CDHR1: variants seen among roughly 807,000 people sequenced by gnomAD.
The protein encoded by CDHR1 is cadherin-related family member 1.
A neutral mutation model predicts 72.1 loss-of-function variants in CDHR1; 61 were observed. That is an observed-to-expected ratio of 0.85 (90% CI 0.69 to 1.05). The LOEUF (loss-of-function observed/expected upper bound fraction) is 1.05, where lower values mean the gene tolerates loss of function less well. CDHR1 is among the 50% of genes least tolerant of loss of function. The pLI is 0.00. For missense variants in CDHR1, 1,186 were observed against 1,115.7 expected (o/e 1.06, Z -0.90); for synonymous variants, 470 against 448.1 (o/e 1.05, Z -0.62).
chr10:84,202,839 G>A (rs539738095), intron 7 of CDHR1, 141 bp from the exon 8 acceptor site: 2 of 882,226 alleles, frequency 2.3e-6, no homozygotes, highest in South Asian at 2.8e-5. Context: ...TTATCTCCGG[G>A]TGACACAGAA....
At chr10:84,212,913 G>C (rs974042954) in intron 15 of CDHR1, 178 bp from the exon 16 acceptor site, 5 of 762,018 alleles carry the variant, frequency 6.6e-6, no homozygotes, top group Non-Finnish European at 1.1e-5. Flanking sequence ...TAAGACCTAC[G>C]TAAACCCTGG....
Position 84,199,113 on chromosome 10 carries a change from G to T in CDHR1, c.430G>T (p.Val144Phe), listed in dbSNP as rs1228647950. 1.3e-6 allele frequency: 2 copies of T among 1,551,098 alleles called. No individual in the cohort carries two copies. The highest frequency in any genetic ancestry group is 3.9e-5 in the Admixed American group (2 of 51,006). The change falls in exon 5 of 17, where the codon GTT becomes TTT. Residue 144 changes from valine to phenylalanine, a missense_variant. Physicochemically the swap from Val to Phe is conservative, Grantham distance 50. Transcript: ENST00000623527. The part of the protein sequence containing the change: ...RFIQEPYVAL[V>F]PEDIPAGSII... ...CATCCAGGAGCCTTATGTTGCCCTG[G>T]TTCCCGAGGTAAGTGAGGAGCTGCT...
In CDHR1 at chr10:84,216,601, A is replaced by G; in HGVS notation, c.*1980A>G. The G allele has an allele frequency of 3.0e-6, 3 of 985,498 alleles. No individual in the cohort carries two copies. The highest frequency in any genetic ancestry group is 3.6e-6 in the Non-Finnish European group (3 of 829,956). 61.0% of individuals were successfully genotyped at this position (985,498 alleles called of 1,614,324 possible). A position where few individuals can be genotyped will look rare whatever the true frequency, so the allele number is the denominator to read the frequency against. On this transcript the variant is annotated 3_prime_UTR_variant, in exon 17 of 17. Transcript: ENST00000623527. ...GACCAGTCTTTCTGACACACAGTGA[A>G]GCTCAACTTGCCTCCTGGCTGCTTC... is the stretch of plus-strand genomic sequence containing the variant.
Position 84,194,633 on chromosome 10 carries a change from C to CA in CDHR1, c.-128_-127insA. 1.5e-6 allele frequency: 1 copy of CA among 658,318 alleles called. No individual in the cohort carries two copies. The highest frequency in any genetic ancestry group is 2.3e-6 in the Non-Finnish European group (1 of 438,658). 40.8% of individuals were successfully genotyped at this position (658,318 alleles called of 1,614,324 possible). A position where few individuals can be genotyped will look rare whatever the true frequency, so the allele number is the denominator to read the frequency against. ...ACCCGCCGCTCCCGCCCCGTGCCCCCTCCCGCCGCGGCTGCAGTCGCCGCT... is the reference window on the plus strand; with the variant it reads ...ACCCGCCGCTCCCGCCCCGTGCCCCCATCCCGCCGCGGCTGCAGTCGCCGCT... On this transcript the variant is annotated 5_prime_UTR_variant, in exon 1 of 17. Transcript: ENST00000623527.
chr10:84,201,301 G>A (rs1842120647), intron 6 of CDHR1, among the ~76,000 whole-genome samples: 5 of 152,180 alleles, frequency 3.3e-5, no homozygotes, highest in Admixed American at 2.6e-4. Flanking sequence ...GGGCCCCCAG[G>A]GACCCTACCA....
rs564871532 is a variant in CDHR1, at chr10:84,216,657, T to C, written c.*2036T>C. Reference sequence around the variant, plus strand: ...GTGGATCCATTCTTCGACCCCCAGATGTGACTCTAAAGAAGGCTGAAAATT... The same window carrying C: ...GTGGATCCATTCTTCGACCCCCAGACGTGACTCTAAAGAAGGCTGAAAATT... On this transcript the variant is annotated 3_prime_UTR_variant, in exon 17 of 17. Coordinates refer to ENST00000623527, the MANE Select transcript of CDHR1 (RefSeq NM_033100.4). The C allele has an allele frequency of 3.0e-6, 3 of 985,474 alleles. No homozygotes were observed. The African/African-American group carries it at 5.2e-5, about 17-fold the overall frequency. The allele number at this position is 985,474 out of a possible 1,614,324, so 61.0% of individuals were successfully genotyped here. A position where few individuals can be genotyped will look rare whatever the true frequency, so the allele number is the denominator to read the frequency against.
At chr10:84,208,472 G>A (rs1842270386) in intron 11 of CDHR1, 95 bp downstream of exon 11, 1 of 1,355,876 alleles carries the variant, frequency 7.4e-7, no homozygotes. Flanking sequence ...CTCTGCGTAT[G>A]TAGCCGGGAC....
intron 12 of CDHR1, among the ~76,000 whole-genome samples, chr10:84,209,564 C>T (rs565644958): frequency 1.3e-5 from 2 of 149,432 alleles, no homozygotes; most frequent in African/African-American, 4.9e-5. Context: ...GAAGTTCAAA[C>T]TTTAGAAAGG....
At position 84,200,621 on chromosome 10, in the gene CDHR1, C is replaced by T. The variant is rs575978307; in HGVS notation, c.459C>T (p.Ile153=). The change falls in exon 6 of 17, where the codon ATC becomes ATT. Residue 153 remains isoleucine (I), a synonymous_variant. Coordinates refer to ENST00000623527, the MANE Select transcript of CDHR1 (RefSeq NM_033100.4). ...LVPEDIPAGS[I]IFKVHAVDRD... ...CTCAGGACATACCTGCTGGGAGCATCATCTTTAAGGTCCATGCAGTGGACA... is the reference window on the plus strand; with the variant it reads ...CTCAGGACATACCTGCTGGGAGCATTATCTTTAAGGTCCATGCAGTGGACA... The T allele has an allele frequency of 6.2e-7, 1 of 1,611,898 alleles. No individual in the cohort carries two copies. The highest frequency in any genetic ancestry group is 8.5e-7 in the Non-Finnish European group (1 of 1,179,092).
chr10:84,210,900 C>G (rs1359463744), intron 12 of CDHR1, 101 bp from the exon 13 acceptor site: 3 of 1,315,512 alleles, frequency 2.3e-6, no homozygotes, highest in Admixed American at 1.7e-5. Flanking sequence ...TCGGGAGACA[C>G]GGCAGATGGA....
chr10:84,212,511 C>A, intron 15 of CDHR1, 104 bp downstream of exon 15: 1 of 883,634 alleles, frequency 1.1e-6, no homozygotes, highest in South Asian at 1.4e-5. Context: ...TTTTGGCTTC[C>A]CACCATGGAC....
chr10:84,219,054 G>A (rs1239055423), downstream of CDHR1: 3 of 816,476 alleles, frequency 3.7e-6, no homozygotes, highest in South Asian at 3.5e-5. Flanking sequence ...GAACACTAAT[G>A]TACTATTATT....
Position 84,210,907 on chromosome 10 carries a change from T to C in CDHR1, c.1321-94T>C, listed in dbSNP as rs1842317297. On this transcript the variant is annotated intron_variant, in intron 12 of 16. Transcript: ENST00000623527. ...GAGGAAGATCGGGAGACACGGCAGA[T>C]GGATGCCACATCAGTCCTGGGGAGA... 2.9e-6 allele frequency: 4 copies of C among 1,374,222 alleles called. No individual in the cohort carries two copies. The South Asian group carries it at 4.6e-5, about 16-fold the overall frequency. The allele number at this position is 1,374,222 out of a possible 1,614,324, so 85.1% of individuals were successfully genotyped here. A position where few individuals can be genotyped will look rare whatever the true frequency, so the allele number is the denominator to read the frequency against.
At position 84,197,845 on chromosome 10, in the gene CDHR1, A is replaced by C; in HGVS notation, c.348+9A>C. 6.2e-7 allele frequency: 1 copy of C among 1,612,970 alleles called. No homozygotes were observed. Among genetic ancestry groups the C allele is most frequent in the Non-Finnish European group, 8.5e-7 (1 of 1,179,192 alleles). On this transcript the variant is annotated intron_variant, in intron 4 of 16. Coordinates refer to ENST00000623527, the MANE Select transcript of CDHR1 (RefSeq NM_033100.4). ...CTGATGGCCTGAATCTGGTGAGTGCACGTCCAAGGCAGTCCCTGGCAGCCT... is the reference window on the plus strand; with the variant it reads ...CTGATGGCCTGAATCTGGTGAGTGCCCGTCCAAGGCAGTCCCTGGCAGCCT...
Position 84,211,021 on chromosome 10 carries a change from C to CA in CDHR1, c.1342dup (p.Thr448AsnfsTer20), listed in dbSNP as rs750895925. The CA allele has an allele frequency of 4.3e-6, 7 of 1,614,076 alleles. No individual in the cohort carries two copies. Among genetic ancestry groups the CA allele is most frequent in the Non-Finnish European group, 5.9e-6 (7 of 1,180,040 alleles). On this transcript the variant is annotated frameshift_variant, in exon 13 of 17. Coordinates refer to ENST00000623527, the MANE Select transcript of CDHR1 (RefSeq NM_033100.4). LOFTEE classifies it high-confidence loss of function. ...CCCAGCTCCTGGCTGTTGAAGTGAA[C>CA]ACCCCAGAGAAGTTCAGTTCCACAG...
intron 10 of CDHR1, among the ~76,000 whole-genome samples, chr10:84,207,712 C>T (rs184107813): frequency 4.4e-4 from 67 of 152,298 alleles, no homozygotes; most frequent in Non-Finnish European, 7.6e-4. Flanking sequence ...GGACTCCAGG[C>T]TCAGCTTGGC....
Position 84,212,330 on chromosome 10 carries a change from G to A in CDHR1, c.1705G>A (p.Val569Ile), listed in dbSNP as rs148495852. ...TGAGGTGTTTATCACACTGCTGGAT[G>A]TCAATGACCACCCCCCTCAGTTTGG... ...VAEVFITLLD[V>I]NDHPPQFGKS... The change falls in exon 15 of 17, where the codon GTC becomes ATC. Residue 569 changes from valine to isoleucine, a missense_variant. Val to Ile is a conservative substitution (Grantham distance 29). Coordinates refer to ENST00000623527, the MANE Select transcript of CDHR1 (RefSeq NM_033100.4). 3.7e-6 allele frequency: 6 copies of A among 1,614,102 alleles called. No homozygotes were observed. Among genetic ancestry groups the A allele is most frequent in the South Asian group, 2.2e-5 (2 of 91,090 alleles).
chr10:84,201,745 C>G, intron 6 of CDHR1, 62 bp from the exon 7 acceptor site: 2 of 1,351,296 alleles, frequency 1.5e-6, no homozygotes, highest in Non-Finnish European at 2.1e-6. Context: ...GAAAGCAGAG[C>G]GGGCATTCCT....
intron 15 of CDHR1, chr10:84,212,814 C>G: frequency 1.8e-6 from 1 of 566,760 alleles, no homozygotes; most frequent in Non-Finnish European, 3.2e-6. Context: ...CACTTTGCAT[C>G]TAAGCTTTCA....
Sources: allele counts gnomAD v4.1 joint callset (sites outside exome capture counted in the v4.1 genomes callset), GRCh38; gene constraint gnomAD v4.1.1; transcripts MANE v1.5; gene names NCBI Gene and HGNC (gene_info 2026-07-23, HGNC 2026-07-21).